Variants in TENM2 observed in about 807,000 individuals in gnomAD.
TENM2 encodes teneurin transmembrane protein 2, also known as teneurin-2.
A neutral mutation model predicts 245.2 loss-of-function variants in TENM2; 52 were observed. The ratio of observed to expected loss-of-function variants is 0.21; its 90% CI spans 0.17 to 0.27. The LOEUF (loss-of-function observed/expected upper bound fraction) is 0.27, where lower values mean the gene tolerates loss of function less well. Among genes scored for constraint, TENM2 ranks in the 10% least tolerant of loss-of-function variants. The pLI is 1.00. For synonymous variants in TENM2, 1,363 were observed against 1,438.9 expected (o/e 0.95, Z 1.19); for missense variants, 3,046 against 3,666.8 (o/e 0.83, Z 4.37).
At chr5:168,240,515 C>T (rs1048089376) in intron 25 of TENM2, among the ~76,000 whole-genome samples, 51 of 152,210 alleles carry the variant, frequency 3.4e-4, no homozygotes, top group African/African-American at 1.2e-3. Context: ...GATAATAATG[C>T]CTGCCTGAGA....
At chr5:167,405,559 C>T (rs1561928896) in intron 2 of TENM2, among the ~76,000 whole-genome samples, 2 of 151,788 alleles carry the variant, frequency 1.3e-5, no homozygotes, top group East Asian at 1.9e-4. Flanking sequence ...TGGGTAATGC[C>T]GGGCTCTTAC....
chr5:167,023,681 T>G, the TENM2 span, among the ~76,000 whole-genome samples: 2 of 152,232 alleles, frequency 1.3e-5, no homozygotes. Context: ...CACTAGCTGT[T>G]ATCTTTTCAG....
the TENM2 span, among the ~76,000 whole-genome samples, chr5:167,118,548 A>G: frequency 6.6e-6 from 1 of 152,242 alleles, no homozygotes; most frequent in Non-Finnish European, 1.5e-5. Flanking sequence ...TCTCAAAGAA[A>G]TGGAAAATTA....
At chr5:166,983,283 T>C in the TENM2 span, among the ~76,000 whole-genome samples, 1 of 152,098 alleles carries the variant, frequency 6.6e-6, no homozygotes, top group Non-Finnish European at 1.5e-5. Flanking sequence ...ATTCTGAAAC[T>C]GAAATACTGC....
chr5:167,681,215 T>C (rs922807372), intron 2 of TENM2, among the ~76,000 whole-genome samples: 1 of 152,230 alleles, frequency 6.6e-6, no homozygotes, highest in Admixed American at 6.5e-5. Flanking sequence ...CTAGCATCTA[T>C]ATGCACACGG....
intron 2 of TENM2, among the ~76,000 whole-genome samples, chr5:167,523,470 G>A (rs931496579): frequency 4.6e-5 from 7 of 152,168 alleles, no homozygotes; most frequent in African/African-American, 1.7e-4. Context: ...ATTTCAGTGA[G>A]CCAACGTCAA....
chr5:167,564,235 G>GA (rs1226541835), intron 2 of TENM2, among the ~76,000 whole-genome samples: 4 of 152,202 alleles, frequency 2.6e-5, no homozygotes, highest in East Asian at 1.9e-4. Context: ...GCCCTGCTGA[G>GA]AAAAAATGAT....
In TENM2 at chr5:167,414,974, A is replaced by G. The variant is rs76118276; in HGVS notation, c.502+39501A>G. Among the ~76,000 whole-genome samples, 610 of 152,292 alleles carry G rather than the reference A, an allele frequency of 4.0e-3. 2 individuals are homozygous for G. The highest frequency in any genetic ancestry group is 0.022 in the East Asian group (114 of 5,182). On this transcript the variant is annotated intron_variant, in intron 2 of 28. Transcript: ENST00000518659. Reference sequence around the variant, plus strand: ...TTTACTAAATGAGCTGTGTTGTATTATAAGTTTCCATCAGGCGGGTGGTAG... The same window carrying G: ...TTTACTAAATGAGCTGTGTTGTATTGTAAGTTTCCATCAGGCGGGTGGTAG...
the TENM2 span, among the ~76,000 whole-genome samples, chr5:167,182,353 A>T: frequency 6.6e-6 from 1 of 152,194 alleles, no homozygotes; most frequent in African/African-American, 2.4e-5. Context: ...TAAATGTTTT[A>T]TATTTTCTTG....
chr5:167,907,529 ATATATATATATAT>A (rs1776191815), intron 3 of TENM2, among the ~76,000 whole-genome samples: 1 of 9,196 alleles, frequency 1.1e-4, no homozygotes, highest in Non-Finnish European at 2.1e-4. Context: ...CCCTAAATAT[ATATATATATATAT>A]ATATATATAT....
intron 9 of TENM2, among the ~76,000 whole-genome samples, chr5:168,115,978 T>C (rs549629896): frequency 2.6e-5 from 4 of 152,278 alleles, no homozygotes; most frequent in African/African-American, 9.6e-5. Context: ...GAGCTTAGCA[T>C]GAGTCTCAGG....
At chr5:167,046,552 A>T in the TENM2 span, among the ~76,000 whole-genome samples, 1 of 152,196 alleles carries the variant, frequency 6.6e-6, no homozygotes, top group Non-Finnish European at 1.5e-5. Context: ...GGGTTAGTAC[A>T]CTACTAATAA....
the TENM2 span, among the ~76,000 whole-genome samples, chr5:167,108,185 G>A: frequency 4.4e-3 from 666 of 152,244 alleles, 5 homozygotes; most frequent in Non-Finnish European, 7.2e-3. Flanking sequence ...GAGTGCAGTG[G>A]TGCAATCTCG....
rs112537244 is a variant in TENM2, at chr5:168,055,576, T to G, written c.1310-6484T>G. On this transcript the variant is annotated intron_variant, in intron 6 of 28. Transcript: ENST00000518659. Reference sequence around the variant, plus strand: ...TATTGATTTCAGCTGCTCTGGAAAATGACTGCCAGTTTTATTAAGGGCTAC... The same window carrying G: ...TATTGATTTCAGCTGCTCTGGAAAAGGACTGCCAGTTTTATTAAGGGCTAC... Among the ~76,000 whole-genome samples, 166 of 152,282 alleles carry G rather than the reference T, an allele frequency of 1.1e-3. 1 individual carries two copies. The highest frequency in any genetic ancestry group is 3.7e-3 in the African/African-American group (155 of 41,562).
chr5:167,890,321 A>C (rs1774644872), intron 3 of TENM2, among the ~76,000 whole-genome samples: 1 of 152,120 alleles, frequency 6.6e-6, no homozygotes, highest in Admixed American at 6.5e-5. Flanking sequence ...TTCCTCCCAA[A>C]GGGAGGAAAC....
At chr5:167,246,915 A>G in the TENM2 span, among the ~76,000 whole-genome samples, 1 of 152,016 alleles carries the variant, frequency 6.6e-6, no homozygotes, top group Non-Finnish European at 1.5e-5. Context: ...TTACCCGTCT[A>G]TTCATCACCT....
At chr5:167,807,863 C>T (rs1033697148) in intron 2 of TENM2, among the ~76,000 whole-genome samples, 2 of 152,156 alleles carry the variant, frequency 1.3e-5, no homozygotes, top group African/African-American at 4.8e-5. Flanking sequence ...ATGCCCAGGT[C>T]ACACCCGTAC....
the TENM2 span, among the ~76,000 whole-genome samples, chr5:167,075,198 T>C: frequency 6.7e-6 from 1 of 149,206 alleles, no homozygotes; most frequent in Non-Finnish European, 1.5e-5. Flanking sequence ...ACTGCAGAGT[T>C]AGAGAGAGAG....
intron 2 of TENM2, among the ~76,000 whole-genome samples, chr5:167,750,656 A>G (rs1177418811): frequency 6.6e-6 from 1 of 152,104 alleles, no homozygotes; most frequent in East Asian, 1.9e-4. Context: ...TTTGAATATT[A>G]AACTCATTAA....
Sources: gnomAD v4.1 joint callset for allele counts (sites outside exome capture counted in the v4.1 genomes callset) on GRCh38, gnomAD v4.1.1 for gene constraint, MANE v1.5 for transcripts, NCBI Gene and HGNC (gene_info 2026-07-23, HGNC 2026-07-21) for gene names.